The following ZBTB16 variants were observed in gnomAD, a reference collection of about 807,000 sequenced individuals.
The protein encoded by ZBTB16 is zinc finger and BTB domain-containing protein 16.
In ZBTB16, 8 loss-of-function variants were observed where a neutral mutation model predicts 56.8. The ratio of observed to expected loss-of-function variants is 0.14; its 90% confidence interval spans 0.08 to 0.25. The LOEUF (loss-of-function observed/expected upper bound fraction) is 0.25, where lower values mean the gene tolerates loss of function less well. ZBTB16 is among the 10% of genes least tolerant of loss of function. ZBTB16 has a pLI of 1.00. For synonymous variants in ZBTB16, 363 were observed against 368.5 expected (o/e 0.98, Z 0.17); for missense variants, 625 against 903.0 (o/e 0.69, Z 3.95).
At chr11:114,132,903 G>A (rs1941703292) in intron 2 of ZBTB16, among the ~76,000 whole-genome samples, 1 of 152,136 alleles carries the variant, frequency 6.6e-6, no homozygotes, top group Non-Finnish European at 1.5e-5. Flanking sequence ...CTCTGAGATA[G>A]AAGTGTATTT....
chr11:114,156,900 G>C (rs1252022176), intron 3 of ZBTB16, among the ~76,000 whole-genome samples: 1 of 152,156 alleles, frequency 6.6e-6, no homozygotes, highest in Non-Finnish European at 1.5e-5. Flanking sequence ...TGTGGCTGCT[G>C]GTAATTTTGC....
chr11:114,152,233 C>A (rs1054230591), intron 2 of ZBTB16, among the ~76,000 whole-genome samples: 2 of 152,180 alleles, frequency 1.3e-5, no homozygotes, highest in East Asian at 3.9e-4. Context: ...AATATAGGCA[C>A]GGTCTCTGCC....
chr11:114,098,531 T>C (rs1940498308), intron 2 of ZBTB16, among the ~76,000 whole-genome samples: 1 of 114,550 alleles, frequency 8.7e-6, no homozygotes, highest in African/African-American at 2.6e-5. Context: ...ATAAAAAGTC[T>C]GACTTAAATT....
intron 5 of ZBTB16, 114 bp downstream of exon 5, chr11:114,242,451 T>G: frequency 6.9e-7 from 1 of 1,459,758 alleles, no homozygotes; most frequent in Non-Finnish European, 9.3e-7. Flanking sequence ...GTCCTTCTGC[T>G]CAAGGCTTGG....
chr11:114,123,259 A>G (rs951211237), intron 2 of ZBTB16, among the ~76,000 whole-genome samples: 2 of 152,140 alleles, frequency 1.3e-5, no homozygotes, highest in African/African-American at 2.4e-5. Flanking sequence ...GTCATGTAGG[A>G]TAACATGGCT....
intron 4 of ZBTB16, among the ~76,000 whole-genome samples, chr11:114,208,726 A>G (rs1180207198): frequency 6.6e-6 from 1 of 152,136 alleles, no homozygotes; most frequent in Admixed American, 6.5e-5. Context: ...TGCACGTACC[A>G]CCACCACAAA....
In ZBTB16 at chr11:114,254,019, G is replaced by A. The variant is rs548379486; in HGVS notation, c.*3464G>A. On this transcript the variant is annotated 3_prime_UTR_variant, in exon 7 of 7. Transcript: ENST00000335953. Reference sequence around the variant, plus strand: ...AACTTCTCCAGCCTGGCAAGGCCACGTTGGTTAATAGTCCCTTTCCCATGT... The same window carrying A: ...AACTTCTCCAGCCTGGCAAGGCCACATTGGTTAATAGTCCCTTTCCCATGT... Among the ~76,000 whole-genome samples, 16 of 152,084 alleles carry A rather than the reference G, an allele frequency of 1.1e-4. No homozygotes were observed. Among genetic ancestry groups the A allele is most frequent in the Non-Finnish European group, 2.1e-4 (14 of 68,036 alleles).
At chr11:114,201,267 G>T (rs775816420) in intron 4 of ZBTB16, among the ~76,000 whole-genome samples, 3 of 152,134 alleles carry the variant, frequency 2.0e-5, no homozygotes, top group Non-Finnish European at 4.4e-5. Flanking sequence ...GGAGGAGGAG[G>T]AAGAGACAAC....
Position 114,195,915 on chromosome 11 carries a change from C to A in ZBTB16, c.1453+8877C>A, listed in dbSNP as rs530458788. Reference sequence around the variant, plus strand: ...AGGCCATGGTGAGGTCTTCCAGGATCCCTGACTATGTCCTCCGGCCAAGAG... The same window carrying A: ...AGGCCATGGTGAGGTCTTCCAGGATACCTGACTATGTCCTCCGGCCAAGAG... On this transcript the variant is annotated intron_variant, in intron 4 of 6. Coordinates refer to ENST00000335953, the MANE Select transcript of ZBTB16 (RefSeq NM_006006.6). Among the ~76,000 whole-genome samples, 3 of 152,294 alleles carry A rather than the reference C, an allele frequency of 2.0e-5. No homozygotes were observed. The South Asian group carries it at 6.2e-4, about 32-fold the overall frequency.
intron 4 of ZBTB16, among the ~76,000 whole-genome samples, chr11:114,211,499 T>C (rs1309316977): frequency 6.6e-6 from 1 of 152,206 alleles, no homozygotes; most frequent in African/African-American, 2.4e-5. Flanking sequence ...GTGCTTACTG[T>C]GGGGTTTGGT....
intron 3 of ZBTB16, among the ~76,000 whole-genome samples, chr11:114,162,489 C>G (rs988645363): frequency 6.6e-6 from 1 of 152,182 alleles, no homozygotes; most frequent in South Asian, 2.1e-4. Flanking sequence ...TGTCTCTCCT[C>G]CCATTCACCT....
intron 2 of ZBTB16, among the ~76,000 whole-genome samples, chr11:114,126,345 A>G (rs993887032): frequency 1.3e-5 from 2 of 152,156 alleles, no homozygotes; most frequent in African/African-American, 4.8e-5. Flanking sequence ...TTCATTATCC[A>G]TGCAGTTTTC....
intron 2 of ZBTB16, among the ~76,000 whole-genome samples, chr11:114,077,542 T>TC (rs1361794191): frequency 6.6e-6 from 1 of 152,042 alleles, no homozygotes; most frequent in East Asian, 1.9e-4. Context: ...TCTCAATTAG[T>TC]CCGACTCCTC....
chr11:114,211,048 G>A (rs1943989568), intron 4 of ZBTB16: 1 of 165,820 alleles, frequency 6.0e-6, no homozygotes. Context: ...CTCCCGAGTA[G>A]CTGGGATTAT....
intron 4 of ZBTB16, among the ~76,000 whole-genome samples, chr11:114,210,439 G>A (rs992401307): frequency 1.3e-5 from 2 of 152,102 alleles, no homozygotes; most frequent in Non-Finnish European, 2.9e-5. Context: ...TGCAACAGCC[G>A]AGCATCCCCG....
chr11:114,138,117 G>T (rs538814743), intron 2 of ZBTB16, among the ~76,000 whole-genome samples: 6 of 152,224 alleles, frequency 3.9e-5, no homozygotes, highest in African/African-American at 1.4e-4. Flanking sequence ...AGAGAGGCAA[G>T]TGGTGAGGGA....
chr11:114,067,618 G>A lies in ZBTB16; in HGVS notation c.1268+3050G>A, dbSNP rs541580762. Reference sequence around the variant, plus strand: ...GATGGGGTTTCACCATGTTGGTCAGGCTGGCCTGGAACTCCTGGCCTTAAG... The same window carrying A: ...GATGGGGTTTCACCATGTTGGTCAGACTGGCCTGGAACTCCTGGCCTTAAG... On this transcript the variant is annotated intron_variant, in intron 2 of 6. Transcript: ENST00000335953. 1.2e-3 allele frequency among the ~76,000 whole-genome samples: 183 copies of A among 152,188 alleles called. 2 individuals carry two copies. The highest frequency in any genetic ancestry group is 4.2e-3 in the African/African-American group (176 of 41,518).
In ZBTB16 at chr11:114,250,287, C is replaced by G; in HGVS notation, c.1793-39C>G. On this transcript the variant is annotated intron_variant, in intron 6 of 6. Transcript: ENST00000335953. This position sits in a 1 kb window ranked among gnomAD's most constrained non-coding sequence, Gnocchi z 6.0. ...ACATGGTGCCCTCACCGCCTTCTGTCTGTCCTCACTTTCTCCTGCCCTGTC... is the reference window on the plus strand; with the variant it reads ...ACATGGTGCCCTCACCGCCTTCTGTGTGTCCTCACTTTCTCCTGCCCTGTC... The G allele has an allele frequency of 6.2e-7, 1 of 1,601,060 alleles. No homozygotes were observed. The highest frequency in any genetic ancestry group is 1.1e-5 in the South Asian group (1 of 91,006).
Position 114,063,703 on chromosome 11 carries a change from G to C in ZBTB16, c.403G>C (p.Ala135Pro). The C allele has an allele frequency of 5.6e-6, 9 of 1,614,074 alleles. No individual in the cohort carries two copies. The highest frequency in any genetic ancestry group is 6.8e-6 in the Non-Finnish European group (8 of 1,180,046). The change falls in exon 2 of 7, where the codon GCC becomes CCC. Residue 135 changes from alanine (A) to proline (P), a missense_variant. Transcript: ENST00000335953. This position sits in a 1 kb window ranked among gnomAD's most constrained non-coding sequence, Gnocchi z 6.5. ...GGCCTCAGACGACAATGACACGGAG[G>C]CCACCATGGCCGATGGCGGGGCCGA... ...IQASDDNDTE[A>P]TMADGGAEEE...
Sources: gnomAD v4.1 joint callset for allele counts (sites outside exome capture counted in the v4.1 genomes callset) on GRCh38, gnomAD v4.1.1 for gene constraint, Gnocchi (gnomAD v3.1) non-coding constraint, MANE v1.5 for transcripts, NCBI Gene and HGNC (gene_info 2026-07-23, HGNC 2026-07-21) for gene names.